The following RAB11FIP2 variants were observed in gnomAD, a reference collection of about 807,000 sequenced individuals.
RAB11FIP2 encodes rab11 family-interacting protein 2.
Under a neutral mutation model 40.9 loss-of-function variants are expected in RAB11FIP2, and 16 were observed. The observed-to-expected ratio is 0.39, with a 90% CI of 0.26 to 0.59. The LOEUF (loss-of-function observed/expected upper bound fraction) is 0.59, where lower values mean the gene tolerates loss of function less well. Among genes scored for constraint, RAB11FIP2 ranks in the 20% least tolerant of loss-of-function variants. The pLI is 0.53. For missense variants in RAB11FIP2, 532 were observed against 606.2 expected, an observed-to-expected ratio of 0.88 and a Z score of 1.28; for synonymous variants, 228 against 213.7, an observed-to-expected ratio of 1.07 and a Z score of -0.58.
At chr10:118,011,036 A>G (rs993350606) in intron 4 of RAB11FIP2, among the ~76,000 whole-genome samples, 6 of 152,064 alleles carry the variant, frequency 3.9e-5, no homozygotes, top group Admixed American at 3.9e-4. Flanking sequence ...CAGAGAAAGG[A>G]TATGATTAAA....
chr10:118,012,439 G>A (rs1846169302), intron 4 of RAB11FIP2, among the ~76,000 whole-genome samples: 1 of 151,812 alleles, frequency 6.6e-6, no homozygotes, highest in Non-Finnish European at 1.5e-5. Context: ...ACAGTTTCAT[G>A]CTGAGTTCCA....
chr10:118,014,448 G>A (rs914778661), intron 4 of RAB11FIP2, among the ~76,000 whole-genome samples: 17 of 152,114 alleles, frequency 1.1e-4, no homozygotes, highest in African/African-American at 3.6e-4. Flanking sequence ...ACTCTGAACA[G>A]AGATTAAATA....
rs1846119227 is a variant in RAB11FIP2 at position 118,008,417 on chromosome 10, T to C, written c.*581A>G. Reference sequence around the variant, plus strand: ...ACACATTTTCAAATCAAGAAATTGGTAGCCTAACTTTAGAGGCAATCAATT... The same window carrying C: ...ACACATTTTCAAATCAAGAAATTGGCAGCCTAACTTTAGAGGCAATCAATT... On this transcript the variant is annotated 3_prime_UTR_variant, in exon 5 of 5. Transcript: ENST00000355624. The C allele has an allele frequency of 1.3e-5, 2 of 153,476 alleles. No individual in the cohort carries two copies. Among genetic ancestry groups the C allele is most frequent in the African/African-American group, 4.8e-5 (2 of 41,418 alleles). The allele number at this position is 153,476 out of a possible 1,614,324, so 9.5% of individuals were successfully genotyped here.
chr10:118,037,897 C>T (rs768111335), intron 3 of RAB11FIP2, among the ~76,000 whole-genome samples: 4 of 152,036 alleles, frequency 2.6e-5, no homozygotes, highest in African/African-American at 4.8e-5. Context: ...TGCACATATA[C>T]GCAACCTCCC....
At chr10:118,024,470 C>CGTGTGTGTGTGTGTGTGTGT (rs55723398) in intron 3 of RAB11FIP2, among the ~76,000 whole-genome samples, 19 of 131,810 alleles carry the variant, frequency 1.4e-4, no homozygotes, top group East Asian at 4.5e-4. Context: ...TCATCATCAT[C>CGTGTGTGTGTGTGTGTGTGT]GTGTGTGTGT....
At chr10:118,015,233 G>A in intron 3 of RAB11FIP2, 123 bp from the exon 4 acceptor site, 1 of 602,880 alleles carries the variant, frequency 1.7e-6, no homozygotes, top group Non-Finnish European at 2.6e-6. Context: ...TCAGAGGAGT[G>A]AAATTTAATC....
chr10:118,046,881 C>T lies in RAB11FIP2; in HGVS notation c.-718G>A. On this transcript the variant is annotated 5_prime_UTR_variant, in exon 1 of 5. Coordinates refer to ENST00000355624, the MANE Select transcript of RAB11FIP2 (RefSeq NM_014904.3). ...TGGCCCGGCCGGCGGCTCCTAACAC[C>T]GGGCGGGCGGCTGCGGCGGCACTTC... The T allele has an allele frequency of 6.5e-6, 1 of 153,330 alleles. No individual in the cohort carries two copies. The highest frequency in any genetic ancestry group is 2.0e-4 in the South Asian group (1 of 4,880). The allele number at this position is 153,330 out of a possible 1,614,324, so 9.5% of individuals were successfully genotyped here.
chr10:118,009,038 T>C lies in RAB11FIP2; in HGVS notation c.1499A>G (p.Tyr500Cys). The C allele has an allele frequency of 1.2e-6, 2 of 1,613,514 alleles. No individual in the cohort carries two copies. Among genetic ancestry groups the C allele is most frequent in the Non-Finnish European group, 1.7e-6 (2 of 1,179,536 alleles). Residue 500 changes from tyrosine (Y) to cysteine (C), a missense_variant, in exon 5 of 5, where the codon TAT becomes TGT. Transcript: ENST00000355624. Reference sequence around the variant, plus strand: ...TTTGCCAGCTTTCCTGGATGGTTCATACGGCACTCTGAGAATACTGGGCGT... The same window carrying C: ...TTTGCCAGCTTTCCTGGATGGTTCACACGGCACTCTGAGAATACTGGGCGT... ...EETPSILRVP[Y>C]EPSRKAGKFS...
At chr10:118,017,557 C>T (rs530333153) in intron 3 of RAB11FIP2, 1 of 152,258 alleles carries the variant, frequency 6.6e-6, no homozygotes, top group Admixed American at 6.5e-5. Context: ...CGCTGCAGGA[C>T]ACGGAGGAGA....
chr10:118,018,842 A>T (rs1020557707), intron 3 of RAB11FIP2, among the ~76,000 whole-genome samples: 5 of 152,212 alleles, frequency 3.3e-5, no homozygotes, highest in African/African-American at 1.2e-4. Flanking sequence ...CAATCATTAG[A>T]GCAAAAAAAC....
At position 118,040,544 on chromosome 10, in the gene RAB11FIP2, T is replaced by C. The variant is rs557554780; in HGVS notation, c.375A>G (p.Lys125=). ...RKTEWFRLES[K]QGKRIKNRGE... ...CCCTGTTTTTGATTCGTTTTCCTTG[T>C]TTGGATTCTAATCTAAACCACCTTA... Residue 125 remains lysine (K), a synonymous_variant, in exon 2 of 5, where the codon AAA becomes AAG. Coordinates refer to ENST00000355624, the MANE Select transcript of RAB11FIP2 (RefSeq NM_014904.3). 10 of 1,607,396 alleles carry C rather than the reference T, an allele frequency of 6.2e-6. No homozygotes were observed. The African/African-American group carries it at 9.4e-5, about 15-fold the overall frequency.
At chr10:118,034,725 T>C (rs772588008) in intron 3 of RAB11FIP2, among the ~76,000 whole-genome samples, 4 of 152,100 alleles carry the variant, frequency 2.6e-5, no homozygotes, top group Non-Finnish European at 5.9e-5. Flanking sequence ...GTGGCAATTA[T>C]AAAATACAAA....
At chr10:118,027,995 C>G (rs1168990542) in intron 3 of RAB11FIP2, among the ~76,000 whole-genome samples, 1 of 152,040 alleles carries the variant, frequency 6.6e-6, no homozygotes. Flanking sequence ...CCACAGTAAA[C>G]TCCATGTACT....
At chr10:118,020,735 C>A (rs1348141623) in intron 3 of RAB11FIP2, among the ~76,000 whole-genome samples, 1 of 152,238 alleles carries the variant, frequency 6.6e-6, no homozygotes, top group African/African-American at 2.4e-5. Flanking sequence ...CCTGCAGACA[C>A]CTCCCCACTA....
In RAB11FIP2 at chr10:118,008,551, T is replaced by C. The variant is rs1367741156; in HGVS notation, c.*447A>G. 5.7e-6 allele frequency: 1 copy of C among 174,592 alleles called. No individual in the cohort carries two copies. The highest frequency in any genetic ancestry group is 2.4e-5 in the African/African-American group (1 of 41,768). The allele number at this position is 174,592 out of a possible 1,614,324, so 10.8% of individuals were successfully genotyped here. Reference sequence around the variant, plus strand: ...CATGTACATATGTGTATATAAAATATAAACTGTTTTTTTAGTAGTGTTTAT... The same window carrying C: ...CATGTACATATGTGTATATAAAATACAAACTGTTTTTTTAGTAGTGTTTAT... On this transcript the variant is annotated 3_prime_UTR_variant, in exon 5 of 5. Coordinates refer to ENST00000355624, the MANE Select transcript of RAB11FIP2 (RefSeq NM_014904.3).
Position 118,045,760 on chromosome 10 carries a change from CATAA to C in RAB11FIP2, c.353+47_353+50del, listed in dbSNP as rs760089933. On this transcript the variant is annotated intron_variant, in intron 1 of 4. Coordinates refer to ENST00000355624, the MANE Select transcript of RAB11FIP2 (RefSeq NM_014904.3). Reference sequence around the variant, plus strand: ...GGATAATTTCCAAGAACAGAAAAACCATAAATAAGATATAAACTCCCCCAAATTC... The same window carrying C: ...GGATAATTTCCAAGAACAGAAAAACCATAAGATATAAACTCCCCCAAATTC... 6.1e-5 allele frequency: 86 copies of C among 1,417,314 alleles called. No homozygotes were observed. The African/African-American group carries it at 1.0e-3, about 17-fold the overall frequency. The allele number at this position is 1,417,314 out of a possible 1,614,324, so 87.8% of individuals were successfully genotyped here.
chr10:118,041,502 C>CA (rs913183798), intron 1 of RAB11FIP2, among the ~76,000 whole-genome samples: 13 of 151,542 alleles, frequency 8.6e-5, no homozygotes, highest in South Asian at 8.3e-4. Flanking sequence ...GGAAAACAGC[C>CA]AAAAAAAACT....
chr10:118,021,448 A>C (rs976723302), intron 3 of RAB11FIP2, among the ~76,000 whole-genome samples: 2 of 152,150 alleles, frequency 1.3e-5, no homozygotes, highest in African/African-American at 4.8e-5. Flanking sequence ...GTGCACTCCC[A>C]CTATCATCCC....
chr10:118,010,711 C>A (rs1331029774), intron 4 of RAB11FIP2, among the ~76,000 whole-genome samples: 1 of 152,060 alleles, frequency 6.6e-6, no homozygotes, highest in Non-Finnish European at 1.5e-5. Flanking sequence ...TTCATAGAAT[C>A]TCTCAGGCTT....
Sources: gnomAD v4.1 joint callset for allele counts (sites outside exome capture counted in the v4.1 genomes callset) on GRCh38, gnomAD v4.1.1 for gene constraint, MANE v1.5 for transcripts, NCBI Gene and HGNC (gene_info 2026-07-23, HGNC 2026-07-21) for gene names.